ZC3H11A: variants seen among roughly 807,000 people sequenced by gnomAD.
ZC3H11A encodes the protein zinc finger CCCH-type containing 11A, also known as zinc finger CCCH domain-containing protein 11A.
In ZC3H11A, 22 loss-of-function variants were observed where a neutral mutation model predicts 90.8. The observed-to-expected ratio is 0.24, with a 90% CI of 0.17 to 0.35. The LOEUF (loss-of-function observed/expected upper bound fraction) is 0.35. ZC3H11A is among the 10% of genes least tolerant of loss of function. The probability of loss-of-function intolerance (pLI) is 1.00; values close to 1 mark genes in which losing one functional copy is unlikely to be tolerated. For synonymous variants in ZC3H11A, 294 were observed against 339.8 expected (o/e 0.87, Z 1.48); for missense variants, 701 against 964.9 (o/e 0.73, Z 3.62).
chr1:203,806,010 G>T, intron 2 of ZC3H11A: 2 of 557,342 alleles, frequency 3.6e-6, no homozygotes, highest in Middle Eastern at 3.1e-4. Context: ...GTTTCATGTT[G>T]AATGACTCTT....
At chr1:203,818,237 TAG>T (rs1677028090) in intron 3 of ZC3H11A, among the ~76,000 whole-genome samples, 1 of 152,154 alleles carries the variant, frequency 6.6e-6, no homozygotes, top group Admixed American at 6.5e-5. Context: ...CATCAAAAGC[TAG>T]AGTTACACAA....
At position 203,850,718 on chromosome 1, in the gene ZC3H11A, TGTG is replaced by T. The variant is rs1387163850; in HGVS notation, c.2106+40_2106+42del. The T allele has an allele frequency of 1.9e-6, 3 of 1,597,204 alleles. No individual in the cohort carries two copies. In the African/African-American group the frequency reaches 4.0e-5, roughly 21 times the overall value. Reference sequence around the variant, plus strand: ...ATTCACTTTGTGGTGCTTTATTCTGTGTGGTAGGAAAGCAGGAAAGACTAACTC... The same window carrying T: ...ATTCACTTTGTGGTGCTTTATTCTGTGTAGGAAAGCAGGAAAGACTAACTC... On this transcript the variant is annotated intron_variant, in intron 16 of 17. Transcript: ENST00000367210.
At chr1:203,827,181 C>T (rs1680799990) in intron 4 of ZC3H11A, among the ~76,000 whole-genome samples, 1 of 151,950 alleles carries the variant, frequency 6.6e-6, no homozygotes, top group Non-Finnish European at 1.5e-5. Flanking sequence ...GTTTCTTTAT[C>T]CATTCTAGTA....
Position 203,852,035 on chromosome 1 carries a change from A to G in ZC3H11A, c.2175-106A>G, listed in dbSNP as rs541545073. On this transcript the variant is annotated intron_variant, in intron 17 of 17. Coordinates refer to ENST00000367210, the MANE Select transcript of ZC3H11A (RefSeq NM_001376342.1). The stretch of plus-strand genomic sequence containing the variant: ...CAGTAAAAGAATTATTTCTTTATGT[A>G]TGTTCTTAAAAACAAATTTTTGCTC... The G allele has an allele frequency of 7.4e-4, 593 of 800,262 alleles. 9 individuals carry two copies. In the South Asian group the frequency reaches 9.4e-3, roughly 13 times the overall value. The allele number at this position is 800,262 out of a possible 1,614,324, so 49.6% of individuals were successfully genotyped here. A position where few individuals can be genotyped will look rare whatever the true frequency, so the allele number is the denominator to read the frequency against.
chr1:203,810,060 T>G (rs1294541527), intron 2 of ZC3H11A, among the ~76,000 whole-genome samples: 8 of 151,222 alleles, frequency 5.3e-5, no homozygotes, highest in African/African-American at 1.9e-4. Flanking sequence ...CATCTTTGTT[T>G]TGTGTTTTTG....
At position 203,847,345 on chromosome 1, in the gene ZC3H11A, C is replaced by T. The variant is rs201151537; in HGVS notation, c.1204C>T (p.Arg402Cys). ...AGGAGCAAGAAGCTCCTCCACTATC[C>T]GTATCAAAACCTTCTCTGAGGTCCT... ...TSGARSSSTI[R>C]IKTFSEVLAE... The change falls in exon 13 of 18, where the codon CGT (arginine) becomes TGT (cysteine). Residue 402 changes from arginine to cysteine, a missense_variant. Transcript: ENST00000367210. 14 of 1,613,682 alleles carry T rather than the reference C, an allele frequency of 8.7e-6. No individual in the cohort carries two copies. The highest frequency in any genetic ancestry group is 4.5e-5 in the East Asian group (2 of 44,880).
rs12086293 is a variant in ZC3H11A, at chr1:203,848,421, T to G, written c.1623+14T>G. On this transcript the variant is annotated intron_variant, in intron 14 of 17. Transcript: ENST00000367210. ...GAAGCTAAAGAGGTAAATTTAAGAT[T>G]ATTGTATGGTTTTGTTCATGGCAAA... The G allele has an allele frequency of 6.3e-7, 1 of 1,594,518 alleles. No homozygotes were observed. Among genetic ancestry groups the G allele is most frequent in the Admixed American group, 1.8e-5 (1 of 57,020 alleles).
intron 1 of ZC3H11A, chr1:203,798,846 C>T: frequency 6.5e-7 from 1 of 1,536,024 alleles, no homozygotes; most frequent in Non-Finnish European, 8.7e-7. Context: ...GATTGTGGCC[C>T]CTGATTATAG....
At chr1:203,800,165 T>G in intron 1 of ZC3H11A, 1 of 1,532,752 alleles carries the variant, frequency 6.5e-7, no homozygotes, top group Admixed American at 2.0e-5. Flanking sequence ...TCTCAGGAGG[T>G]GATGACCCTT....
chr1:203,851,393 A>G lies in ZC3H11A; in HGVS notation c.2174+269A>G, dbSNP rs1689219849. ...CACCCAGACTGGAGTGCAGTGGCAC[A>G]ATCTCTGCTCACTGCAACCTCCACT... On this transcript the variant is annotated intron_variant, in intron 17 of 17. Transcript: ENST00000367210. Among the ~76,000 whole-genome samples, 2 of 152,138 alleles carry G rather than the reference A, an allele frequency of 1.3e-5. 1 individual carries two copies. Among genetic ancestry groups the G allele is most frequent in the Admixed American group, 1.3e-4 (2 of 15,272 alleles).
chr1:203,823,169 A>G (rs2102906790), intron 4 of ZC3H11A, among the ~76,000 whole-genome samples: 1 of 152,304 alleles, frequency 6.6e-6, no homozygotes, highest in South Asian at 2.1e-4. Context: ...GCATCTCTTC[A>G]TTTAGAGATT....
chr1:203,805,776 C>G (rs1672117133), intron 2 of ZC3H11A: 1 of 699,922 alleles, frequency 1.4e-6, no homozygotes, highest in Non-Finnish European at 2.7e-6. Flanking sequence ...GTGTATCCAA[C>G]TCTGCTTCTA....
At chr1:203,809,408 C>T (rs897825250) in intron 2 of ZC3H11A, among the ~76,000 whole-genome samples, 1 of 151,464 alleles carries the variant, frequency 6.6e-6, no homozygotes, top group Non-Finnish European at 1.5e-5. Flanking sequence ...AACTCCTGAC[C>T]TCGTGATCCG....
At position 203,816,931 on chromosome 1, in the gene ZC3H11A, C is replaced by T. The variant is rs768559608; in HGVS notation, c.-140C>T. ...TCATTGTCTCCTCATTTTAGGATTA[C>T]AGTTTAAAGACAATTTCTGTGATCA... On this transcript the variant is annotated 5_prime_UTR_variant, in exon 3 of 18. Transcript: ENST00000367210. The T allele has an allele frequency of 1.4e-4, 77 of 561,592 alleles. No homozygotes were observed. The highest frequency in any genetic ancestry group is 2.0e-4 in the Non-Finnish European group (65 of 317,886). The allele number at this position is 561,592 out of a possible 1,614,324, so 34.8% of individuals were successfully genotyped here.
In ZC3H11A at chr1:203,833,617, G is replaced by GGTTTTT. The variant is rs1301581457; in HGVS notation, c.812-173_812-168dup. The stretch of plus-strand genomic sequence containing the variant: ...TGGCTGTTTATTATTAATAGGTTTG[G>GGTTTTT]GTTTTTTTTTTTTTTTTTTGATATA... On this transcript the variant is annotated intron_variant, in intron 9 of 17. Transcript: ENST00000367210. Among the ~76,000 whole-genome samples, 22 of 72,128 alleles carry GGTTTTT rather than the reference G, an allele frequency of 3.1e-4. 1 individual carries two copies. The highest frequency in any genetic ancestry group is 6.4e-4 in the Non-Finnish European group (22 of 34,146). 47.3% of individuals were successfully genotyped at this position (72,128 alleles called of 152,430 possible).
chr1:203,829,458 G>A lies in ZC3H11A; in HGVS notation c.306G>A (p.Leu102=). Residue 102 remains leucine (L), a synonymous_variant, in exon 6 of 18, where the codon TTG becomes TTA. Transcript: ENST00000367210. ...CTGATTTTGTGCGTTTAGCTGTGTT[G>A]CCCACTGTGCCTGAGTCACCAGAAG... The part of the protein sequence containing the change: ...GLFLPPSKTV[L]PTVPESPEEE... The A allele has an allele frequency of 6.2e-7, 1 of 1,613,906 alleles. No individual in the cohort carries two copies. Among genetic ancestry groups the A allele is most frequent in the Non-Finnish European group, 8.5e-7 (1 of 1,179,854 alleles).
intron 10 of ZC3H11A, among the ~76,000 whole-genome samples, chr1:203,837,360 A>T (rs1049398466): frequency 1.7e-4 from 26 of 151,668 alleles, no homozygotes; most frequent in Non-Finnish European, 3.4e-4. Context: ...TTTAATCTCA[A>T]CCAGGGTTTA....
intron 12 of ZC3H11A, among the ~76,000 whole-genome samples, chr1:203,844,832 C>T (rs1687449811): frequency 6.6e-6 from 1 of 152,018 alleles, no homozygotes; most frequent in Non-Finnish European, 1.5e-5. Context: ...TTTATCCCTC[C>T]TCCCTCCCCT....
In ZC3H11A at chr1:203,797,714, A is replaced by G. The variant is rs948495184; in HGVS notation, c.-1588+1920A>G. The G allele has an allele frequency of 2.6e-6, 4 of 1,535,082 alleles. No homozygotes were observed. The African/African-American group carries it at 5.5e-5, about 21-fold the overall frequency. On this transcript the variant is annotated intron_variant, in intron 1 of 17. Coordinates refer to ENST00000367210, the MANE Select transcript of ZC3H11A (RefSeq NM_001376342.1). ...CAAAACAGCCTGCTAAAAAGAAAAG[A>G]AAGAAGGGTTTGCGAATTAAGGGGA... is the stretch of plus-strand genomic sequence containing the variant.
Sources: allele counts gnomAD v4.1 joint callset (sites outside exome capture counted in the v4.1 genomes callset), GRCh38; gene constraint gnomAD v4.1.1; transcripts MANE v1.5; gene names NCBI Gene and HGNC (gene_info 2026-07-23, HGNC 2026-07-21).